The following TRIP12 variants were observed in gnomAD, a reference collection of about 807,000 sequenced individuals.
TRIP12 encodes the protein thyroid hormone receptor interactor 12.
In TRIP12, 25 loss-of-function variants were observed where a neutral mutation model predicts 244.2. The observed-to-expected ratio is 0.10, with a 90% CI of 0.07 to 0.14. The LOEUF (loss-of-function observed/expected upper bound fraction) is 0.14, where lower values mean the gene tolerates loss of function less well. Ranked by LOEUF, TRIP12 falls within the 10% of genes least tolerant of loss-of-function variation. The probability of loss-of-function intolerance (pLI) is 1.00; values close to 1 mark genes in which losing one functional copy is unlikely to be tolerated. For synonymous variants in TRIP12, 905 were observed against 873.1 expected (o/e 1.04, Z -0.64); for missense variants, 1,677 against 2,486.4 (o/e 0.67, Z 6.92).
chr2:229,770,497 G>C (rs1171200961), intron 39 of TRIP12, among the ~76,000 whole-genome samples: 1 of 152,174 alleles, frequency 6.6e-6, no homozygotes, highest in Non-Finnish European at 1.5e-5. Context: ...GATTTAATCA[G>C]TAGTGAACAT....
chr2:229,903,705 G>A (rs1438929164), intron 1 of TRIP12, among the ~76,000 whole-genome samples: 1 of 151,938 alleles, frequency 6.6e-6, no homozygotes, highest in African/African-American at 2.4e-5. Context: ...AGATAAGGGA[G>A]GAAAATTTCA....
Position 229,778,606 on chromosome 2 carries a change from A to T in TRIP12, c.5210-19T>A, listed in dbSNP as rs761349794. On this transcript the variant is annotated intron_variant, in intron 35 of 41. Transcript: ENST00000675903. This position sits in a 1 kb window ranked among gnomAD's most constrained non-coding sequence, Gnocchi z 4.1. ...TGGCTCCCTGAAAAACAAGCAATGC[A>T]GCAAACTTCAGATGATGTTTCCAAA... 1 of 1,601,240 alleles carries T rather than the reference A, an allele frequency of 6.2e-7. No individual in the cohort carries two copies. The highest frequency in any genetic ancestry group is 8.5e-7 in the Non-Finnish European group (1 of 1,173,904).
chr2:229,818,533 A>AT (rs781673167), intron 8 of TRIP12, 21 bp from the exon 9 acceptor site: 1 of 1,604,468 alleles, frequency 6.2e-7, no homozygotes, highest in East Asian at 2.2e-5. Context: ...AAAAATAATT[A>AT]TTATCTTTAA....
At chr2:229,795,418 A>T in intron 25 of TRIP12, 88 bp from the exon 26 acceptor site, 1 of 1,424,868 alleles carries the variant, frequency 7.0e-7, no homozygotes, top group Non-Finnish European at 9.4e-7. Flanking sequence ...GCAGCTTTAT[A>T]AAAGAGAATA....
At position 229,858,841 on chromosome 2, in the gene TRIP12, A is replaced by G. The variant is rs147289245; in HGVS notation, c.958T>C (p.Ser320Pro). Residue 320 changes from serine (S) to proline (P), a missense_variant, in exon 4 of 42, where the codon TCT becomes CCT. Ser to Pro is a moderately conservative substitution (Grantham distance 74). Around this residue, in one of 11 missense-constraint regions of TRIP12, gnomAD observed 387 missense variants for 392.6 expected, o/e 0.99. Coordinates refer to ENST00000675903, the MANE Select transcript of TRIP12 (RefSeq NM_001348323.3). ...PKVSLPKTKL[S>P]LPGSSKSETS... is the part of the protein sequence containing the mutation. The stretch of plus-strand genomic sequence containing the variant: ...TCTGACTTAGAAGACCCTGGAAGAG[A>G]CAGTTTTGTTTTAGGAAGGCTAACT... 4 of 1,613,998 alleles carry G rather than the reference A, an allele frequency of 2.5e-6. No homozygotes were observed. The highest frequency in any genetic ancestry group is 3.4e-6 in the Non-Finnish European group (4 of 1,179,986).
chr2:229,819,136 T>C (rs1436177212), intron 8 of TRIP12, among the ~76,000 whole-genome samples: 2 of 151,040 alleles, frequency 1.3e-5, no homozygotes, highest in African/African-American at 4.9e-5. Flanking sequence ...TGATGGCTAT[T>C]AGAATGTTCC....
rs983236500 is a variant in TRIP12, at chr2:229,819,869, C to A, written c.1451-1357G>T. On this transcript the variant is annotated intron_variant, in intron 8 of 41. Transcript: ENST00000675903. ...TATTCCTGGGGGCGTACACCTCTCA[C>A]AGGGGCACATAGCAATCAATGGAAG... is the stretch of plus-strand genomic sequence containing the variant. 2.0e-5 allele frequency among the ~76,000 whole-genome samples: 3 copies of A among 152,190 alleles called. No individual in the cohort carries two copies. The South Asian group carries it at 6.2e-4, about 31-fold the overall frequency.
chr2:229,845,149 A>T (rs932579395), intron 4 of TRIP12, among the ~76,000 whole-genome samples: 1 of 152,170 alleles, frequency 6.6e-6, no homozygotes, highest in African/African-American at 2.4e-5. Flanking sequence ...AGGTCACAAG[A>T]TGTGAGATTG....
rs746987202 is a variant in TRIP12, at chr2:229,859,040, C to A, written c.759G>T (p.Ser253=). The A allele has an allele frequency of 1.2e-6, 2 of 1,614,050 alleles. No homozygotes were observed. Among genetic ancestry groups the A allele is most frequent in the Admixed American group, 1.7e-5 (1 of 59,996 alleles). The part of the protein sequence containing the change: ...STSSSSSAVA[S]ASSTVPPGAR... ...CACCTGGTGGTACAGTGGAGGAGGC[C>A]GAGGCTACAGCAGAAGACGAGGAGG... Residue 253 remains serine, a synonymous_variant, in exon 4 of 42, where the codon TCG becomes TCT. Coordinates refer to ENST00000675903, the MANE Select transcript of TRIP12 (RefSeq NM_001348323.3).
chr2:229,811,307 A>T, intron 13 of TRIP12, 103 bp from the exon 14 acceptor site: 2 of 1,164,402 alleles, frequency 1.7e-6, no homozygotes, highest in Non-Finnish European at 2.4e-6. Flanking sequence ...CTTCAAGGCA[A>T]GCTCAATTAG....
chr2:229,809,466 A>T (rs12990986), intron 15 of TRIP12, among the ~76,000 whole-genome samples: 4,986 of 152,260 alleles, frequency 0.033, 115 homozygotes, highest in Non-Finnish European at 0.047. Flanking sequence ...ACATATACTA[A>T]AAGAAAAAAA....
chr2:229,790,428 A>G (rs892207936), intron 30 of TRIP12, among the ~76,000 whole-genome samples: 1 of 151,708 alleles, frequency 6.6e-6, no homozygotes, highest in Non-Finnish European at 1.5e-5. Flanking sequence ...AGCCTTTTAT[A>G]TCGAACAAAC....
chr2:229,891,799 T>C (rs1296918678), intron 1 of TRIP12, among the ~76,000 whole-genome samples: 1 of 152,226 alleles, frequency 6.6e-6, no homozygotes, highest in East Asian at 1.9e-4. Flanking sequence ...CTGCCACTGA[T>C]ATCCTTAGAA....
chr2:229,770,583 T>C (rs377686990), intron 39 of TRIP12, among the ~76,000 whole-genome samples: 2 of 152,232 alleles, frequency 1.3e-5, no homozygotes, highest in East Asian at 3.8e-4. Flanking sequence ...TTCTAGAGGC[T>C]TTCTGTATCT....
chr2:229,783,525 A>G (rs2154251130), intron 34 of TRIP12, among the ~76,000 whole-genome samples: 1 of 152,378 alleles, frequency 6.6e-6, no homozygotes, highest in East Asian at 1.9e-4. Flanking sequence ...ATGAAAGAAC[A>G]GTATCATTTT....
At position 229,851,119 on chromosome 2, in the gene TRIP12, G is replaced by A. The variant is rs117016841; in HGVS notation, c.1027+7653C>T. Among the ~76,000 whole-genome samples, 11 of 152,354 alleles carry A rather than the reference G, an allele frequency of 7.2e-5. No homozygotes were observed. In the East Asian group the frequency reaches 7.7e-4, roughly 11 times the overall value. On this transcript the variant is annotated intron_variant, in intron 4 of 41. Transcript: ENST00000675903. ...GAGTCCGAGCACATGGCGCGGGACC[G>A]GCAGGCAGCTCCACGTGCAGCCCCG...
chr2:229,827,864 G>A (rs757147026), intron 8 of TRIP12, among the ~76,000 whole-genome samples: 4 of 152,010 alleles, frequency 2.6e-5, no homozygotes, highest in Non-Finnish European at 4.4e-5. Flanking sequence ...TATAGTTAGG[G>A]TTACCGTATT....
At chr2:229,816,221 T>A (rs771416530) in intron 9 of TRIP12, among the ~76,000 whole-genome samples, 1 of 152,098 alleles carries the variant, frequency 6.6e-6, no homozygotes, top group Non-Finnish European at 1.5e-5. Context: ...CTGTGAATTG[T>A]GCTGGGTAAA....
At chr2:229,849,079 G>A (rs1330299005) in intron 4 of TRIP12, among the ~76,000 whole-genome samples, 1 of 152,178 alleles carries the variant, frequency 6.6e-6, no homozygotes, top group East Asian at 1.9e-4. Flanking sequence ...CAGGCATAAT[G>A]AACAACCATC....
Sources: allele counts gnomAD v4.1 joint callset (sites outside exome capture counted in the v4.1 genomes callset), GRCh38; gene constraint gnomAD v4.1.1; regional missense constraint gnomAD v4.1.1; non-coding constraint Gnocchi (gnomAD v3.1); transcripts MANE v1.5; gene names NCBI Gene and HGNC (gene_info 2026-07-23, HGNC 2026-07-21).